PIP5K1B: variants seen among roughly 807,000 people sequenced by gnomAD.
PIP5K1B encodes phosphatidylinositol-4-phosphate 5-kinase type 1 beta, also known as phosphatidylinositol 4-phosphate 5-kinase type-1 beta.
In PIP5K1B, 42 loss-of-function variants were observed where a neutral mutation model predicts 67.0. That is an observed-to-expected ratio of 0.63 (90% CI 0.49 to 0.81). The LOEUF (loss-of-function observed/expected upper bound fraction) is 0.81. Ranked by LOEUF, PIP5K1B falls within the 30% of genes least tolerant of loss-of-function variation. PIP5K1B has a pLI of 0.00. For synonymous variants in PIP5K1B, 214 were observed against 231.4 expected (o/e 0.92, Z 0.68); for missense variants, 459 against 646.3 (o/e 0.71, Z 3.14).
chr9:68,851,463 ATGCTGCAGAAATTATATCAGAAATGTCGT>A (rs1822477361), intron 4 of PIP5K1B, among the ~76,000 whole-genome samples: 1 of 152,228 alleles, frequency 6.6e-6, no homozygotes, highest in Admixed American at 6.5e-5. Context: ...GAAAATGCAG[ATGCTGCAGAAATTATATCAGAAATGTCGT>A]TGCCAATCAT....
intron 8 of PIP5K1B, among the ~76,000 whole-genome samples, chr9:68,908,937 C>T (rs1825737462): frequency 6.6e-6 from 1 of 152,212 alleles, no homozygotes; most frequent in Admixed American, 6.5e-5. Context: ...GATACATCTT[C>T]CTGTCAGCTC....
intron 1 of PIP5K1B, among the ~76,000 whole-genome samples, chr9:68,736,532 C>T (rs1469779614): frequency 6.6e-6 from 1 of 152,202 alleles, no homozygotes; most frequent in African/African-American, 2.4e-5. Flanking sequence ...TCTCACAGTT[C>T]TGGAGGTCAG....
intron 5 of PIP5K1B, among the ~76,000 whole-genome samples, chr9:68,867,949 G>T: frequency 6.6e-6 from 1 of 151,932 alleles, no homozygotes; most frequent in South Asian, 2.1e-4. Context: ...AATGCATTGT[G>T]TTTTTTTCTT....
At chr9:68,975,784 C>G (rs1201869768) in intron 14 of PIP5K1B, among the ~76,000 whole-genome samples, 1 of 152,184 alleles carries the variant, frequency 6.6e-6, no homozygotes, top group African/African-American at 2.4e-5. Context: ...CCGTCTTTGA[C>G]ATTCCTTGGC....
chr9:68,833,288 T>A (rs1834417554), intron 4 of PIP5K1B, among the ~76,000 whole-genome samples: 1 of 151,978 alleles, frequency 6.6e-6, no homozygotes, highest in Non-Finnish European at 1.5e-5. Context: ...GGATCGCGAG[T>A]GTGTGAAGGA....
intron 4 of PIP5K1B, among the ~76,000 whole-genome samples, chr9:68,856,229 T>A (rs1390901865): frequency 1.3e-5 from 2 of 152,200 alleles, no homozygotes; most frequent in Admixed American, 1.3e-4. Context: ...ACTCATATGA[T>A]TTGCTTTCAG....
At chr9:68,853,098 G>C (rs1248292695) in intron 4 of PIP5K1B, among the ~76,000 whole-genome samples, 1 of 152,168 alleles carries the variant, frequency 6.6e-6, no homozygotes, top group African/African-American at 2.4e-5. Context: ...CAGAAAGAGA[G>C]CCTTGGAATG....
intron 2 of PIP5K1B, among the ~76,000 whole-genome samples, chr9:68,743,900 T>A (rs1392177007): frequency 2.0e-5 from 3 of 152,184 alleles, no homozygotes; most frequent in Non-Finnish European, 2.9e-5. Flanking sequence ...GCCAGATGAA[T>A]GTACCGGGAA....
At chr9:68,782,396 G>A (rs956537429) in intron 2 of PIP5K1B, 8 of 166,830 alleles carry the variant, frequency 4.8e-5, no homozygotes, top group African/African-American at 1.9e-4. Flanking sequence ...AAGACAAAAT[G>A]TTTAATAAGA....
chr9:68,917,852 C>A, intron 9 of PIP5K1B, 93 bp downstream of exon 9: 2 of 888,064 alleles, frequency 2.3e-6, no homozygotes, highest in Non-Finnish European at 3.6e-6. Flanking sequence ...TAGGGTGGGA[C>A]TCTAGGAATT....
At chr9:68,963,463 A>G in intron 14 of PIP5K1B, 1 of 238,728 alleles carries the variant, frequency 4.2e-6, no homozygotes, top group East Asian at 1.1e-4. Flanking sequence ...AGATTATGCC[A>G]TTGCACTCCA....
intron 12 of PIP5K1B, among the ~76,000 whole-genome samples, chr9:68,926,895 A>G (rs1175227590): frequency 6.6e-6 from 1 of 151,996 alleles, no homozygotes; most frequent in Non-Finnish European, 1.5e-5. Context: ...GAACATTTTC[A>G]TTACCCCAAA....
chr9:68,793,857 C>T, intron 2 of PIP5K1B, among the ~76,000 whole-genome samples: 1 of 152,188 alleles, frequency 6.6e-6, no homozygotes, highest in South Asian at 2.1e-4. Flanking sequence ...TAGATGGGAT[C>T]ACTAAGGGGA....
intron 11 of PIP5K1B, among the ~76,000 whole-genome samples, chr9:68,922,145 A>G (rs183800826): frequency 6.6e-6 from 1 of 152,316 alleles, no homozygotes; most frequent in Non-Finnish European, 1.5e-5. Context: ...AGATACTGCC[A>G]GGATACCAGA....
At chr9:68,889,155 A>G in intron 7 of PIP5K1B, 22 bp downstream of exon 7, 1 of 1,569,124 alleles carries the variant, frequency 6.4e-7, no homozygotes, top group East Asian at 2.3e-5. Context: ...CACATCATTA[A>G]TGCTTCTACT....
At chr9:68,845,526 A>G (rs1822144439) in intron 4 of PIP5K1B, among the ~76,000 whole-genome samples, 1 of 152,156 alleles carries the variant, frequency 6.6e-6, no homozygotes, top group African/African-American at 2.4e-5. Context: ...GAAACATAGT[A>G]ATTTTAAAGG....
intron 4 of PIP5K1B, among the ~76,000 whole-genome samples, chr9:68,835,221 T>C (rs1464064208): frequency 1.3e-5 from 2 of 152,216 alleles, no homozygotes; most frequent in African/African-American, 2.4e-5. Flanking sequence ...TAGAGGAGTG[T>C]AGACTTTATA....
chr9:68,815,377 G>T (rs1416222900), intron 2 of PIP5K1B, among the ~76,000 whole-genome samples: 1 of 151,752 alleles, frequency 6.6e-6, no homozygotes, highest in African/African-American at 2.4e-5. Flanking sequence ...AATGTAATTG[G>T]CCTCAAAACA....
At chr9:68,730,977 TGA>T (rs1198034230) in intron 1 of PIP5K1B, among the ~76,000 whole-genome samples, 1 of 152,244 alleles carries the variant, frequency 6.6e-6, no homozygotes, top group Non-Finnish European at 1.5e-5. Context: ...CTGGTTTCCT[TGA>T]AGTCTTAGTT....
Sources: gnomAD v4.1 joint callset for allele counts (sites outside exome capture counted in the v4.1 genomes callset) on GRCh38, gnomAD v4.1.1 for gene constraint, MANE v1.5 for transcripts, NCBI Gene and HGNC (gene_info 2026-07-23, HGNC 2026-07-21) for gene names.